The following EPG5 variants were observed in gnomAD, a reference collection of about 807,000 sequenced individuals.
EPG5 encodes the protein ectopic P granules protein 5 homolog.
Under a neutral mutation model 302.7 loss-of-function variants are expected in EPG5, and 159 were observed. The observed-to-expected ratio is 0.53, with a 90% CI of 0.46 to 0.60. The LOEUF (loss-of-function observed/expected upper bound fraction) is 0.60. Ranked by LOEUF, EPG5 falls within the 20% of genes least tolerant of loss-of-function variation. The pLI is 0.00. For missense variants in EPG5, 2,896 were observed against 3,092.4 expected, an observed-to-expected ratio of 0.94 and a Z score of 1.51; for synonymous variants, 1,158 against 1,136.8, an observed-to-expected ratio of 1.02 and a Z score of -0.37.
intron 9 of EPG5, among the ~76,000 whole-genome samples, chr18:45,940,739 T>A (rs2050648005): frequency 6.6e-6 from 1 of 152,170 alleles, no homozygotes; most frequent in South Asian, 2.1e-4. Flanking sequence ...CATTTTAGAT[T>A]TGATAAAAGA....
chr18:45,889,525 TC>T (rs1266010012), intron 28 of EPG5, among the ~76,000 whole-genome samples: 3 of 152,206 alleles, frequency 2.0e-5, no homozygotes, highest in African/African-American at 7.2e-5. Context: ...GTTAATATTT[TC>T]TGCTTTATAT....
At chr18:45,894,226 G>A (rs1336646560) in intron 27 of EPG5, among the ~76,000 whole-genome samples, 6 of 152,000 alleles carry the variant, frequency 3.9e-5, no homozygotes, top group African/African-American at 1.2e-4. Context: ...TTGGGAGGCC[G>A]AGATGGGTGG....
At chr18:45,830,672 G>A in the EPG5 span, among the ~76,000 whole-genome samples, 267 of 125,830 alleles carry the variant, frequency 2.1e-3, 3 homozygotes, top group African/African-American at 7.9e-3. Flanking sequence ...TGCAACCTCC[G>A]CCTCCCAGGT....
intron 30 of EPG5, among the ~76,000 whole-genome samples, chr18:45,883,071 G>T (rs548711242): frequency 1.3e-5 from 2 of 150,554 alleles, no homozygotes; most frequent in South Asian, 4.2e-4. Flanking sequence ...CTATTTCTGT[G>T]TTACTATCTA....
At chr18:45,961,179 C>G (rs2051139558) in intron 1 of EPG5, among the ~76,000 whole-genome samples, 1 of 152,198 alleles carries the variant, frequency 6.6e-6, no homozygotes, top group Non-Finnish European at 1.5e-5. Flanking sequence ...CTGCAATAGT[C>G]TCAGATGGTC....
intron 35 of EPG5, among the ~76,000 whole-genome samples, chr18:45,871,573 T>C (rs949153101): frequency 3.3e-5 from 5 of 152,188 alleles, no homozygotes; most frequent in Non-Finnish European, 5.9e-5. Flanking sequence ...ATGTGGTGTA[T>C]ATACACAATG....
At chr18:45,958,494 C>A (rs1214499035) in intron 1 of EPG5, among the ~76,000 whole-genome samples, 2 of 152,132 alleles carry the variant, frequency 1.3e-5, no homozygotes, top group Admixed American at 6.5e-5. Flanking sequence ...AGGAACAAAA[C>A]TGAGAATCCA....
chr18:45,814,406 G>A, the EPG5 span, among the ~76,000 whole-genome samples: 9 of 152,202 alleles, frequency 5.9e-5, no homozygotes, highest in Admixed American at 2.0e-4. Context: ...TGCAACATGG[G>A]ATCAATTTGA....
chr18:45,857,726 C>G, intron 42 of EPG5, 127 bp downstream of exon 42: 6 of 467,468 alleles, frequency 1.3e-5, no homozygotes, highest in Non-Finnish European at 1.1e-5. Flanking sequence ...TTTTTTTTTT[C>G]CATTAATCTT....
At position 45,954,780 on chromosome 18, in the gene EPG5, G is replaced by A; in HGVS notation, c.622C>T (p.Gln208Ter). ...TACAGTTTCTTCACTCTAGGTGTCT[G>A]AAAACCATGTTTGGCTGGGCAAGAA... Reference protein sequence around the residue: ...QSSCPAKHGFQTPRVKKLYPQ... With the variant: ...QSSCPAKHGF The change falls in exon 2 of 44, where the codon CAG becomes TAG. Residue 208 changes from glutamine (Q) to a stop codon, truncating the protein, a stop_gained. Transcript: ENST00000282041. LOFTEE classifies it high-confidence loss of function. 1 of 1,613,900 alleles carries A rather than the reference G, an allele frequency of 6.2e-7. No homozygotes were observed. The highest frequency in any genetic ancestry group is 8.5e-7 in the Non-Finnish European group (1 of 1,179,934).
chr18:45,938,162 G>A (rs74775132), intron 10 of EPG5, among the ~76,000 whole-genome samples: 2,041 of 152,210 alleles, frequency 0.013, 26 homozygotes, highest in Admixed American at 0.018. Flanking sequence ...AGTATAACAG[G>A]AGTAATCTAA....
At chr18:45,941,063 T>C (rs2050654601) in intron 9 of EPG5, among the ~76,000 whole-genome samples, 1 of 152,128 alleles carries the variant, frequency 6.6e-6, no homozygotes, top group African/African-American at 2.4e-5. Flanking sequence ...TATTTAAAGA[T>C]GAATGAATGA....
At chr18:45,828,187 C>T in the EPG5 span, among the ~76,000 whole-genome samples, 2,285 of 152,290 alleles carry the variant, frequency 0.015, 58 homozygotes, top group African/African-American at 0.051. Context: ...TGTGAGCAGA[C>T]GCCTGTGCCA....
At chr18:45,935,341 G>A (rs948888902) in intron 10 of EPG5, among the ~76,000 whole-genome samples, 1 of 152,144 alleles carries the variant, frequency 6.6e-6, no homozygotes, top group Non-Finnish European at 1.5e-5. Context: ...TCAGGAGTTC[G>A]AGACCAGCCT....
At position 45,847,965 on chromosome 18, in the gene EPG5, T is replaced by A. The variant is rs1182872625; in HGVS notation, c.*4502A>T. 1 of 151,932 alleles carries A rather than the reference T, an allele frequency of 6.6e-6. No homozygotes were observed. The highest frequency in any genetic ancestry group is 2.4e-5 in the African/African-American group (1 of 41,006). The allele number at this position is 151,932 out of a possible 1,614,324, so 9.4% of individuals were successfully genotyped here. On this transcript the variant is annotated 3_prime_UTR_variant, in exon 44 of 44. Coordinates refer to ENST00000282041, the MANE Select transcript of EPG5 (RefSeq NM_020964.3). ...ACAACATTCCTTCGCAATTTCATTATCCCAAAAGAGGATCAGTAGTATAAT... is the reference window on the plus strand; with the variant it reads ...ACAACATTCCTTCGCAATTTCATTAACCCAAAAGAGGATCAGTAGTATAAT...
In EPG5 at chr18:45,915,425, T is replaced by G. The variant is rs529747977; in HGVS notation, c.3693+86A>C. 14 of 966,360 alleles carry G rather than the reference T, an allele frequency of 1.4e-5. No homozygotes were observed. The East Asian group carries it at 3.4e-4, about 23-fold the overall frequency. 59.9% of individuals were successfully genotyped at this position (966,360 alleles called of 1,614,324 possible). Reference sequence around the variant, plus strand: ...AATAAGTGCTAAATAAAAGTTAGTTTAGACAATTAGTAATTTCTTTGTAAG... The same window carrying G: ...AATAAGTGCTAAATAAAAGTTAGTTGAGACAATTAGTAATTTCTTTGTAAG... On this transcript the variant is annotated intron_variant, in intron 20 of 43. Transcript: ENST00000282041.
Position 45,882,305 on chromosome 18 carries a change from C to T in EPG5, c.5487G>A (p.Gln1829=). The T allele has an allele frequency of 6.2e-7, 1 of 1,614,096 alleles. No homozygotes were observed. ...TAAGCAGCCTGAGAATGTCACTGTACTGGTCAGGAAACTGGTAGAGAAGAA... is the reference window on the plus strand; with the variant it reads ...TAAGCAGCCTGAGAATGTCACTGTATTGGTCAGGAAACTGGTAGAGAAGAA... ...TYLLLYQFPD[Q]YSDILRLLMQ... The change falls in exon 31 of 44, where the codon CAG becomes CAA. Residue 1829 remains glutamine (Q), a synonymous_variant. Coordinates refer to ENST00000282041, the MANE Select transcript of EPG5 (RefSeq NM_020964.3).
At chr18:45,832,012 G>A in the EPG5 span, among the ~76,000 whole-genome samples, 6 of 152,324 alleles carry the variant, frequency 3.9e-5, no homozygotes, top group Non-Finnish European at 5.9e-5. Context: ...GATTACAGGC[G>A]TGAGCCGCCA....
chr18:45,839,568 A>C, the EPG5 span, among the ~76,000 whole-genome samples: 1 of 152,174 alleles, frequency 6.6e-6, no homozygotes, highest in Admixed American at 6.5e-5. Flanking sequence ...TGCTATGAGA[A>C]GGGCTCTCCT....
Sources: gnomAD v4.1 joint callset for allele counts (sites outside exome capture counted in the v4.1 genomes callset) on GRCh38, gnomAD v4.1.1 for gene constraint, MANE v1.5 for transcripts, NCBI Gene and HGNC (gene_info 2026-07-23, HGNC 2026-07-21) for gene names.